Variants in ZNF467 observed in about 807,000 individuals in gnomAD.
ZNF467 encodes the protein zinc finger protein EZI.
A neutral mutation model predicts 47.8 loss-of-function variants in ZNF467; 51 were observed. The observed-to-expected ratio is 1.07, with a 90% CI of 0.85 to 1.35. The LOEUF (loss-of-function observed/expected upper bound fraction) is 1.35, where lower values mean the gene tolerates loss of function less well. Ranked by LOEUF, ZNF467 falls within the 40% of genes most tolerant of loss-of-function variation. ZNF467 has a pLI of 0.00. For synonymous variants in ZNF467, 416 were observed against 372.9 expected, an observed-to-expected ratio of 1.12 and a Z score of -1.33; for missense variants, 992 against 858.1, an observed-to-expected ratio of 1.16 and a Z score of -1.95.
rs147338223 is a variant in ZNF467, at chr7:149,765,729, T to G, written c.773A>C (p.His258Pro). Reference sequence around the variant, plus strand: ...GTGGGTCTTTTGGTGCGAGCCCAGGTGGATCTTCTGGCTGAAGCGCTTGCC... The same window carrying G: ...GTGGGTCTTTTGGTGCGAGCCCAGGGGGATCTTCTGGCTGAAGCGCTTGCC... ...ECGKRFSQKI[H>P]LGSHQKTHTG... is the part of the protein sequence containing the mutation. Residue 258 changes from histidine (H) to proline (P), a missense_variant, in exon 5 of 5, where the codon CAC becomes CCC. His to Pro is a moderately conservative substitution (Grantham distance 77). Coordinates refer to ENST00000302017, the MANE Select transcript of ZNF467 (RefSeq NM_207336.3). 1.2e-6 allele frequency: 2 copies of G among 1,613,562 alleles called. No homozygotes were observed. The highest frequency in any genetic ancestry group is 1.7e-6 in the Non-Finnish European group (2 of 1,179,850).
Position 149,764,561 on chromosome 7 carries a change from T to G in ZNF467, c.*153A>C. On this transcript the variant is annotated 3_prime_UTR_variant, in exon 5 of 5. Transcript: ENST00000302017. ...CCTAGGAGGTCCGAGCTGGGTATGC[T>G]GTGCGGACGCAGACACTGCGGGAAG... 1 of 1,373,482 alleles carries G rather than the reference T, an allele frequency of 7.3e-7. No individual in the cohort carries two copies. The highest frequency in any genetic ancestry group is 1.0e-6 in the Non-Finnish European group (1 of 992,544). The allele number at this position is 1,373,482 out of a possible 1,614,324, so 85.1% of individuals were successfully genotyped here.
At chr7:149,776,209 C>T, upstream of ZNF467, 1 of 1,087,024 alleles carries the variant, frequency 9.2e-7, no homozygotes, top group Non-Finnish European at 1.2e-6. Flanking sequence ...TCCACCCCCG[C>T]CACTTCCCAT....
intron 2 of ZNF467, among the ~76,000 whole-genome samples, 189 bp from the exon 3 acceptor site, chr7:149,770,745 A>T (rs149255863): frequency 1.1e-3 from 161 of 152,332 alleles, no homozygotes; most frequent in Non-Finnish European, 2.0e-3. Context: ...GTCAAAAAGG[A>T]CAGAAGGAAG....
chr7:149,764,416 T>C lies in ZNF467; in HGVS notation c.*298A>G. On this transcript the variant is annotated 3_prime_UTR_variant, in exon 5 of 5. Transcript: ENST00000302017. The stretch of plus-strand genomic sequence containing the variant: ...AAGTACATAAATAACCACTCTTTCC[T>C]GCCCTGGTTGAGGCCGCGCTGGGTC... 1.7e-6 allele frequency: 1 copy of C among 592,188 alleles called. No homozygotes were observed. The allele number at this position is 592,188 out of a possible 1,614,324, so 36.7% of individuals were successfully genotyped here. A position where few individuals can be genotyped will look rare whatever the true frequency, so the allele number is the denominator to read the frequency against.
chr7:149,767,546 G>A (rs1168887343), intron 4 of ZNF467, among the ~76,000 whole-genome samples: 1 of 152,146 alleles, frequency 6.6e-6, no homozygotes, highest in Non-Finnish European at 1.5e-5. Flanking sequence ...ACCATCAATA[G>A]CTCCTATTTA....
At position 149,764,306 on chromosome 7, in the gene ZNF467, CAGTGG is replaced by C; in HGVS notation, c.*403_*407del. On this transcript the variant is annotated 3_prime_UTR_variant, in exon 5 of 5. Transcript: ENST00000302017. ...GGTCTGTGTGTGGATGGAGGTGGGA[CAGTGG>C]CTAAGGAGAGTCAGGTGTTCCCTCC... 7.1e-6 allele frequency: 3 copies of C among 421,086 alleles called. No individual in the cohort carries two copies. The highest frequency in any genetic ancestry group is 8.3e-6 in the Non-Finnish European group (2 of 240,422). The allele number at this position is 421,086 out of a possible 1,614,324, so 26.1% of individuals were successfully genotyped here.
At chr7:149,771,885 C>T (rs1799424456) in intron 1 of ZNF467, among the ~76,000 whole-genome samples, 1 of 150,874 alleles carries the variant, frequency 6.6e-6, no homozygotes, top group Non-Finnish European at 1.5e-5. Flanking sequence ...AGGGCCAACC[C>T]CTCGAGGCCC....
chr7:149,764,752 C>G lies in ZNF467; in HGVS notation c.1750G>C (p.Ala584Pro). 1.3e-6 allele frequency: 2 copies of G among 1,541,032 alleles called. No individual in the cohort carries two copies. Among genetic ancestry groups the G allele is most frequent in the Non-Finnish European group, 1.8e-6 (2 of 1,141,554 alleles). Reference protein sequence around the residue: ...DAALAAPAWSAPPEVAPPPLF... With the variant: ...DAALAAPAWSPPPEVAPPPLF... ...GGGGGCGGCGCCACCTCGGGGGGAG[C>G]GGACCAGGCTGGGGCCGCAAGGGCG... The change falls in exon 5 of 5, where the codon GCT becomes CCT. Residue 584 changes from alanine to proline, a missense_variant. By Grantham distance (27) the Ala-to-Pro change is conservative. Transcript: ENST00000302017.
At position 149,769,463 on chromosome 7, in the gene ZNF467, G is replaced by A. The variant is rs1441787039; in HGVS notation, c.152-263C>T. Among the ~76,000 whole-genome samples the A allele has an allele frequency of 6.6e-6, 1 of 152,108 alleles. No homozygotes were observed. Among genetic ancestry groups the A allele is most frequent in the Admixed American group, 6.5e-5 (1 of 15,286 alleles). The stretch of plus-strand genomic sequence containing the variant: ...GAGCCACCACTGTGAAGAGTTCCTG[G>A]AATATGTGTATGTAAGACAGTGGAA... On this transcript the variant is annotated intron_variant, in intron 3 of 4. Coordinates refer to ENST00000302017, the MANE Select transcript of ZNF467 (RefSeq NM_207336.3). The surrounding 1 kb of genome is among the most constrained non-coding windows in gnomAD (Gnocchi z 5.3).
At chr7:149,768,968 G>T in intron 4 of ZNF467, 122 bp downstream of exon 4, 1 of 801,484 alleles carries the variant, frequency 1.2e-6, no homozygotes, top group African/African-American at 1.8e-5. Context: ...ACTTGGGTTA[G>T]AAGGGCCTGG....
rs1161263072 is a variant in ZNF467 at position 149,765,763 on chromosome 7, C to G, written c.739G>C (p.Ala247Pro). ...TGGCTGAAGCGCTTGCCGCACTCCG[C>G]GCACGGGTAGGGCCGCTCGCCCGTG... ...THTGERPYPC[A>P]ECGKRFSQKI... Residue 247 changes from alanine to proline, a missense_variant, in exon 5 of 5, where the codon GCG becomes CCG. Physicochemically the swap from Ala to Pro is conservative, Grantham distance 27. Transcript: ENST00000302017. The G allele has an allele frequency of 8.1e-6, 13 of 1,612,038 alleles. No homozygotes were observed. The highest frequency in any genetic ancestry group is 1.1e-5 in the Non-Finnish European group (13 of 1,179,358).
Position 149,765,508 on chromosome 7 carries a change from G to T in ZNF467, c.994C>A (p.Pro332Thr), listed in dbSNP as rs1193303846. Residue 332 changes from proline to threonine, a missense_variant, in exon 5 of 5, where the codon CCC (proline) becomes ACC (threonine). Pro to Thr is a conservative substitution (Grantham distance 38). Coordinates refer to ENST00000302017, the MANE Select transcript of ZNF467 (RefSeq NM_207336.3). ...HQTAGPARPS[P>T]DSSASPHSTA... ...GAATGAGGAGAAGCGGACGAGTCGGGAGAGGGCCTGGCCGGGCCGGCCGTC... is the reference window on the plus strand; with the variant it reads ...GAATGAGGAGAAGCGGACGAGTCGGTAGAGGGCCTGGCCGGGCCGGCCGTC... 6.3e-7 allele frequency: 1 copy of T among 1,582,042 alleles called. No homozygotes were observed. Among genetic ancestry groups the T allele is most frequent in the Admixed American group, 1.8e-5 (1 of 54,176 alleles).
chr7:149,769,271 G>C lies in ZNF467; in HGVS notation c.152-71C>G. ...TGGCCAAAGGGCCCCACTGGTGCTG[G>C]GAAGCAGGAGCATTTGAAACCCTGG... On this transcript the variant is annotated intron_variant, in intron 3 of 4. Coordinates refer to ENST00000302017, the MANE Select transcript of ZNF467 (RefSeq NM_207336.3). This position sits in a 1 kb window ranked among gnomAD's most constrained non-coding sequence, Gnocchi z 5.3. The C allele has an allele frequency of 1.5e-6, 2 of 1,355,200 alleles. No homozygotes were observed. The highest frequency in any genetic ancestry group is 2.0e-6 in the Non-Finnish European group (2 of 1,005,012). 83.9% of individuals were successfully genotyped at this position (1,355,200 alleles called of 1,614,324 possible). A position where few individuals can be genotyped will look rare whatever the true frequency, so the allele number is the denominator to read the frequency against.
chr7:149,765,083 A>C lies in ZNF467; in HGVS notation c.1419T>G (p.Asn473Lys). ...TGTGGGCCCTGGAGTGGGCGACCAG[A>C]TTAGGCCGCGAGCCGAAGCGGCGGT... ...QCDRRFGSRP[N>K]LVAHSRAHSG... The change falls in exon 5 of 5, where the codon AAT (asparagine) becomes AAG (lysine). Residue 473 changes from asparagine (N) to lysine (K), a missense_variant. Transcript: ENST00000302017. The C allele has an allele frequency of 6.8e-7, 1 of 1,473,854 alleles. No homozygotes were observed. The allele number at this position is 1,473,854 out of a possible 1,614,324, so 91.3% of individuals were successfully genotyped here. A position where few individuals can be genotyped will look rare whatever the true frequency, so the allele number is the denominator to read the frequency against.
chr7:149,772,492 A>C (rs1227183446), intron 1 of ZNF467, among the ~76,000 whole-genome samples: 29 of 29,350 alleles, frequency 9.9e-4, no homozygotes, highest in Admixed American at 1.8e-3. Context: ...TGCCCTCCCC[A>C]CTCCGTCTCC....
chr7:149,768,153 T>C (rs1268349444), intron 4 of ZNF467, among the ~76,000 whole-genome samples: 1 of 152,268 alleles, frequency 6.6e-6, no homozygotes, highest in Admixed American at 6.5e-5. Context: ...AACACTTTTG[T>C]GCTTATTTGT....
At chr7:149,775,756 A>AC (rs1799557180), upstream of ZNF467, among the ~76,000 whole-genome samples, 3 of 136,074 alleles carry the variant, frequency 2.2e-5, no homozygotes, top group Admixed American at 1.4e-4. Flanking sequence ...CACACACACA[A>AC]AGGGAAACAG....
At position 149,764,588 on chromosome 7, in the gene ZNF467, A is replaced by G; in HGVS notation, c.*126T>C. On this transcript the variant is annotated 3_prime_UTR_variant, in exon 5 of 5. Coordinates refer to ENST00000302017, the MANE Select transcript of ZNF467 (RefSeq NM_207336.3). ...TGCGGACGCAGACACTGCGGGAAGG[A>G]AACAGGTGTCCCGCGGCGGCCAAAC... The G allele has an allele frequency of 2.7e-6, 4 of 1,506,274 alleles. No individual in the cohort carries two copies. The highest frequency in any genetic ancestry group is 3.6e-6 in the Non-Finnish European group (4 of 1,110,360). The allele number at this position is 1,506,274 out of a possible 1,614,324, so 93.3% of individuals were successfully genotyped here.
At chr7:149,776,200 C>T (rs1315067406), upstream of ZNF467, 3 of 983,048 alleles carry the variant, frequency 3.1e-6, no homozygotes, top group Non-Finnish European at 4.2e-6. Flanking sequence ...GATCCTCCCT[C>T]CACCCCCGCC....
Sources: allele counts gnomAD v4.1 joint callset (sites outside exome capture counted in the v4.1 genomes callset), GRCh38; gene constraint gnomAD v4.1.1; non-coding constraint Gnocchi (gnomAD v3.1); transcripts MANE v1.5; gene names NCBI Gene and HGNC (gene_info 2026-07-23, HGNC 2026-07-21).